The following BCL2L13 variants were observed in gnomAD, a reference collection of about 807,000 sequenced individuals.
The protein encoded by BCL2L13 is BCL2 like 13.
BCL2L13 carries 13 observed loss-of-function variants against 25.8 expected under a neutral mutation model. That is an observed-to-expected ratio of 0.50 (90% confidence interval 0.33 to 0.80). The LOEUF (loss-of-function observed/expected upper bound fraction) is 0.80. Ranked by LOEUF, BCL2L13 falls within the 30% of genes least tolerant of loss-of-function variation. BCL2L13 has a pLI of 0.02. For synonymous variants in BCL2L13, 244 were observed against 230.3 expected (o/e 1.06, Z -0.54); for missense variants, 504 against 574.9 (o/e 0.88, Z 1.26).
At chr22:17,657,353 TCTC>T (rs1171531285) in intron 2 of BCL2L13, among the ~76,000 whole-genome samples, 2 of 123,036 alleles carry the variant, frequency 1.6e-5, no homozygotes, top group East Asian at 4.0e-4. Flanking sequence ...CTTTGAATAC[TCTC>T]CTCATCTTCT....
intron 3 of BCL2L13, among the ~76,000 whole-genome samples, chr22:17,688,390 G>C (rs569317216): frequency 1.2e-4 from 19 of 152,194 alleles, no homozygotes; most frequent in Non-Finnish European, 2.6e-4. Flanking sequence ...CTCTGAGGAT[G>C]ATTAGAATCT....
chr22:17,725,138 G>A (rs1302079441), intron 6 of BCL2L13, among the ~76,000 whole-genome samples: 1 of 152,206 alleles, frequency 6.6e-6, no homozygotes, highest in Non-Finnish European at 1.5e-5. Context: ...GAGTCTCCGT[G>A]TCTGCAGCAT....
At chr22:17,638,698 C>A, upstream of BCL2L13, 1 of 1,231,686 alleles carries the variant, frequency 8.1e-7, no homozygotes, top group South Asian at 4.1e-5. Context: ...TTCCGGATGT[C>A]AGGTAGTTCA....
At chr22:17,639,198 C>T (rs1568912687) in intron 1 of BCL2L13, among the ~76,000 whole-genome samples, 1 of 152,220 alleles carries the variant, frequency 6.6e-6, no homozygotes, top group African/African-American at 2.4e-5. Context: ...GACAGCTTCA[C>T]GTGGAAAACC....
intron 1 of BCL2L13, among the ~76,000 whole-genome samples, chr22:17,650,023 A>G (rs1187928370): frequency 1.3e-5 from 2 of 151,034 alleles, no homozygotes; most frequent in African/African-American, 2.4e-5. Flanking sequence ...GGCGCCTGCC[A>G]TCATGCCCAG....
intron 2 of BCL2L13, among the ~76,000 whole-genome samples, chr22:17,661,537 T>C (rs1332690207): frequency 1.4e-5 from 2 of 146,304 alleles, no homozygotes; most frequent in Non-Finnish European, 3.1e-5. Context: ...GTCAAAGGGC[T>C]GAACTTTTCC....
intron 1 of BCL2L13, among the ~76,000 whole-genome samples, chr22:17,640,776 C>G (rs1344753519): frequency 1.3e-5 from 2 of 151,780 alleles, no homozygotes; most frequent in Admixed American, 6.6e-5. Flanking sequence ...ACTGCTTGAG[C>G]CCGGGAGATC....
chr22:17,706,123 T>C (rs990534433), intron 6 of BCL2L13, among the ~76,000 whole-genome samples: 1 of 152,238 alleles, frequency 6.6e-6, no homozygotes, highest in Middle Eastern at 3.4e-3. Flanking sequence ...CAAGTGATCC[T>C]CCCACCTCAG....
rs186386283 is a variant in BCL2L13 at position 17,719,722 on chromosome 22, A to T, written c.601-6955A>T. 1.8e-4 allele frequency among the ~76,000 whole-genome samples: 27 copies of T among 151,556 alleles called. No homozygotes were observed. In the East Asian group the frequency reaches 4.9e-3, roughly 27 times the overall value. On this transcript the variant is annotated intron_variant, in intron 6 of 6. Transcript: ENST00000317582. Reference sequence around the variant, plus strand: ...TGGGCGCCTGTAATCCCAGCTACTCAGGAGGCTGAGGCAGGATAATCGCTG... The same window carrying T: ...TGGGCGCCTGTAATCCCAGCTACTCTGGAGGCTGAGGCAGGATAATCGCTG...
chr22:17,683,281 T>G lies in BCL2L13; in HGVS notation c.189T>G (p.Ile63Met), dbSNP rs1390709196. The change falls in exon 3 of 7, where the codon ATT (isoleucine) becomes ATG (methionine). Residue 63 changes from isoleucine (I) to methionine (M), a missense_variant. By Grantham distance (10) the Ile-to-Met change is conservative (BLOSUM62 1). Transcript: ENST00000317582. ...TTTTATTAAAAGTTAAAACTGAAAT[T>G]GAAGAAGAGCTAAAATCTCTGGACA... ...QEILLKVKTEIEEELKSLDKE... is the reference protein window; with the variant it reads ...QEILLKVKTEMEEELKSLDKE... 1 of 1,594,150 alleles carries G rather than the reference T, an allele frequency of 6.3e-7. No homozygotes were observed. Among genetic ancestry groups the G allele is most frequent in the South Asian group, 1.1e-5 (1 of 88,416 alleles).
chr22:17,726,443 G>A (rs2061300568), intron 6 of BCL2L13, among the ~76,000 whole-genome samples: 1 of 151,644 alleles, frequency 6.6e-6, no homozygotes, highest in African/African-American at 2.4e-5. Context: ...GAATTACACT[G>A]AATGTATATT....
intron 2 of BCL2L13, among the ~76,000 whole-genome samples, chr22:17,674,049 T>C (rs1487424716): frequency 6.6e-6 from 1 of 152,178 alleles, no homozygotes; most frequent in Non-Finnish European, 1.5e-5. Context: ...GTAATCTGTT[T>C]AGAATGATGA....
intron 1 of BCL2L13, among the ~76,000 whole-genome samples, chr22:17,652,234 C>T (rs555673587): frequency 3.3e-5 from 5 of 151,870 alleles, no homozygotes; most frequent in South Asian, 4.1e-4. Context: ...AATGGGATTT[C>T]GCCATGTTGC....
In BCL2L13 at chr22:17,639,474, A is replaced by G. The variant is rs142158051; in HGVS notation, c.-51+588A>G. ...TCCCCCTTTGATTTATCCTCCCAAC[A>G]TTCTGTAAAGATCCTATTTCTTGCC... is the stretch of plus-strand genomic sequence containing the variant. On this transcript the variant is annotated intron_variant, in intron 1 of 6. Transcript: ENST00000317582. Among the ~76,000 whole-genome samples the G allele has an allele frequency of 6.4e-3, 972 of 152,208 alleles. 10 individuals carry two copies. The highest frequency in any genetic ancestry group is 0.022 in the African/African-American group (926 of 41,526).
At position 17,726,791 on chromosome 22, in the gene BCL2L13, G is replaced by C; in HGVS notation, c.715G>C (p.Glu239Gln). 1 of 1,614,210 alleles carries C rather than the reference G, an allele frequency of 6.2e-7. No homozygotes were observed. Among genetic ancestry groups the C allele is most frequent in the Non-Finnish European group, 8.5e-7 (1 of 1,180,042 alleles). The change falls in exon 7 of 7, where the codon GAG (glutamate) becomes CAG (glutamine). Residue 239 changes from glutamate to glutamine, a missense_variant. Transcript: ENST00000317582. ...CAACTCTGGACAAGTCAGTCCCCCAGAGTCTCCAACTGTGACCACTTCCTG... is the reference window on the plus strand; with the variant it reads ...CAACTCTGGACAAGTCAGTCCCCCACAGTCTCCAACTGTGACCACTTCCTG... ...SDNSGQVSPPESPTVTTSWQS... is the reference protein window; with the variant it reads ...SDNSGQVSPPQSPTVTTSWQS...
rs552578266 is a variant in BCL2L13 at position 17,669,950 on chromosome 22, A to C, written c.122-13264A>C. On this transcript the variant is annotated intron_variant, in intron 2 of 6. Transcript: ENST00000317582. ...ACTATCCAGTTTCAGGTATTCTTTC[A>C]TAAACAAAAGAAAATGGACTAATAC... Among the ~76,000 whole-genome samples, 303 of 152,318 alleles carry C rather than the reference A, an allele frequency of 2.0e-3. 2 individuals are homozygous for C. Among genetic ancestry groups the C allele is most frequent in the African/African-American group, 7.0e-3 (289 of 41,576 alleles).
intron 6 of BCL2L13, among the ~76,000 whole-genome samples, chr22:17,710,891 T>TAA (rs955848658): frequency 6.7e-6 from 1 of 149,190 alleles, no homozygotes; most frequent in African/African-American, 2.4e-5. Context: ...AAAATAAAAA[T>TAA]AAAAAAAAAT....
intron 6 of BCL2L13, among the ~76,000 whole-genome samples, chr22:17,713,477 T>TC (rs2060820640): frequency 6.9e-6 from 1 of 144,214 alleles, no homozygotes; most frequent in African/African-American, 2.6e-5. Context: ...TTTTTTTTTT[T>TC]TGGAGATGGA....
chr22:17,652,126 A>C (rs978301355), intron 1 of BCL2L13, among the ~76,000 whole-genome samples: 2 of 152,192 alleles, frequency 1.3e-5, no homozygotes, highest in Middle Eastern at 3.2e-3. Context: ...GGTGGAAAAT[A>C]TCATATGTTG....
Sources: allele counts gnomAD v4.1 joint callset (sites outside exome capture counted in the v4.1 genomes callset), GRCh38; gene constraint gnomAD v4.1.1; transcripts MANE v1.5; gene names NCBI Gene and HGNC (gene_info 2026-07-23, HGNC 2026-07-21).